SLC35F4: variants seen among roughly 807,000 people sequenced by gnomAD.
The protein encoded by SLC35F4 is solute carrier family 35 member F4.
SLC35F4 carries 24 observed loss-of-function variants against 44.2 expected under a neutral mutation model. The observed-to-expected ratio is 0.54, with a 90% confidence interval of 0.39 to 0.76. The LOEUF (loss-of-function observed/expected upper bound fraction) is 0.76. Among genes scored for constraint, SLC35F4 ranks in the 30% least tolerant of loss-of-function variants. SLC35F4 has a pLI of 0.00. For synonymous variants in SLC35F4, 238 were observed against 223.6 expected, an observed-to-expected ratio of 1.06 and a Z score of -0.57; for missense variants, 562 against 586.1, an observed-to-expected ratio of 0.96 and a Z score of 0.42.
chr14:57,844,067 C>G lies in SLC35F4; in HGVS notation c.103+21656G>C, dbSNP rs540380595. Reference sequence around the variant, plus strand: ...TTCAATTTTTATTGAAGATAGAAATCGTAGGAAAAAATTACCTTGAAAGGT... The same window carrying G: ...TTCAATTTTTATTGAAGATAGAAATGGTAGGAAAAAATTACCTTGAAAGGT... On this transcript the variant is annotated intron_variant, in intron 1 of 7. Transcript: ENST00000556826. 2.6e-5 allele frequency among the ~76,000 whole-genome samples: 4 copies of G among 152,078 alleles called. No individual in the cohort carries two copies. In the East Asian group the frequency reaches 7.7e-4, roughly 29 times the overall value.
At chr14:57,869,023 A>G (rs1888240373), upstream of SLC35F4, among the ~76,000 whole-genome samples, 1 of 152,196 alleles carries the variant, frequency 6.6e-6, no homozygotes, top group African/African-American at 2.4e-5. Flanking sequence ...GTTATAAAAC[A>G]AAATTTGTTT....
intron 1 of SLC35F4, among the ~76,000 whole-genome samples, chr14:57,929,523 G>T (rs1239259538): frequency 1.3e-5 from 2 of 151,994 alleles, no homozygotes; most frequent in African/African-American, 4.8e-5. Context: ...AAAACCTGTA[G>T]CTGTTGAGTA....
intron 1 of SLC35F4, among the ~76,000 whole-genome samples, chr14:57,896,118 A>G (rs999835457): frequency 1.3e-5 from 2 of 152,164 alleles, no homozygotes; most frequent in African/African-American, 4.8e-5. Context: ...CTCCTTTAGT[A>G]AGTAAATTCT....
intron 1 of SLC35F4, among the ~76,000 whole-genome samples, chr14:57,726,982 G>A (rs747887939): frequency 5.3e-5 from 8 of 152,084 alleles, no homozygotes; most frequent in Non-Finnish European, 1.2e-4. Context: ...TCCCGTGCTG[G>A]ATGCTTCCTG....
At chr14:57,804,890 A>G (rs994760247) in intron 1 of SLC35F4, among the ~76,000 whole-genome samples, 9 of 152,202 alleles carry the variant, frequency 5.9e-5, no homozygotes, top group Admixed American at 4.6e-4. Flanking sequence ...TCTAATATCC[A>G]GAGTCTACAA....
At chr14:57,924,562 C>A (rs1227226245) in intron 1 of SLC35F4, among the ~76,000 whole-genome samples, 2 of 152,184 alleles carry the variant, frequency 1.3e-5, no homozygotes, top group East Asian at 3.9e-4. Flanking sequence ...CATTTTCCTG[C>A]CTCAGCCTCC....
chr14:57,733,763 A>T (rs1035070982), intron 1 of SLC35F4, among the ~76,000 whole-genome samples: 12 of 152,062 alleles, frequency 7.9e-5, no homozygotes, highest in Non-Finnish European at 1.5e-4. Flanking sequence ...AGGTTTAGTG[A>T]TTATTAATTC....
intron 1 of SLC35F4, among the ~76,000 whole-genome samples, chr14:57,810,180 C>T (rs78109877): frequency 6.6e-6 from 1 of 152,168 alleles, no homozygotes; most frequent in Admixed American, 6.5e-5. Context: ...GCTACTCCCC[C>T]ATCCTAGGGA....
At position 57,564,088 on chromosome 14, in the gene SLC35F4, T is replaced by C. The variant is rs2068084770; in HGVS notation, c.*47A>G. The C allele has an allele frequency of 6.3e-7, 1 of 1,598,978 alleles. No homozygotes were observed. The highest frequency in any genetic ancestry group is 8.5e-7 in the Non-Finnish European group (1 of 1,169,744). ...TGTACAGGTAGTGAGAAAATTTTGT[T>C]ATATTCACAGAATATACATACACGT... is the stretch of plus-strand genomic sequence containing the variant. On this transcript the variant is annotated 3_prime_UTR_variant, in exon 8 of 8. Coordinates refer to ENST00000556826, the MANE Select transcript of SLC35F4 (RefSeq NM_001306087.2).
intron 1 of SLC35F4, among the ~76,000 whole-genome samples, chr14:57,778,638 C>T (rs951862488): frequency 6.6e-6 from 1 of 152,012 alleles, no homozygotes. Flanking sequence ...TAGACATCTA[C>T]AGAACGATAC....
At chr14:57,708,713 GC>G (rs1450838990) in intron 1 of SLC35F4, among the ~76,000 whole-genome samples, 2 of 152,130 alleles carry the variant, frequency 1.3e-5, no homozygotes, top group African/African-American at 4.8e-5. Flanking sequence ...AGACAGCTGG[GC>G]CCAGGGGACC....
At chr14:57,819,529 G>A (rs1566880026) in intron 1 of SLC35F4, among the ~76,000 whole-genome samples, 2 of 152,168 alleles carry the variant, frequency 1.3e-5, no homozygotes, top group East Asian at 3.9e-4. Context: ...AAATAGGCTG[G>A]GCACAGTGGC....
At chr14:57,982,253 C>T (rs1195984473), upstream of SLC35F4, 2 of 152,110 alleles carry the variant, frequency 1.3e-5, no homozygotes, top group Non-Finnish European at 2.9e-5. Flanking sequence ...GCAACAGAAA[C>T]GCTGTGCCTG....
chr14:57,662,078 T>G, intron 1 of SLC35F4, among the ~76,000 whole-genome samples: 1 of 152,208 alleles, frequency 6.6e-6, no homozygotes, highest in Non-Finnish European at 1.5e-5. Context: ...TGTCAGAGAC[T>G]GTGTTTCCGG....
chr14:57,587,327 T>C (rs564799496), intron 3 of SLC35F4, among the ~76,000 whole-genome samples: 2 of 152,342 alleles, frequency 1.3e-5, no homozygotes, highest in East Asian at 3.9e-4. Flanking sequence ...CGCACACGTA[T>C]GTTTATTGTG....
At chr14:57,906,785 T>A (rs971845013) in intron 1 of SLC35F4, among the ~76,000 whole-genome samples, 2 of 152,238 alleles carry the variant, frequency 1.3e-5, no homozygotes, top group South Asian at 2.1e-4. Context: ...AAAAATTATA[T>A]GTATTTGGAA....
intron 1 of SLC35F4, among the ~76,000 whole-genome samples, chr14:57,918,561 C>T (rs534589685): frequency 6.6e-6 from 1 of 152,234 alleles, no homozygotes; most frequent in South Asian, 2.1e-4. Flanking sequence ...TTGACATGGT[C>T]TTATAAAAAT....
intron 1 of SLC35F4, among the ~76,000 whole-genome samples, chr14:57,614,019 A>T (rs868041633): frequency 1.3e-5 from 2 of 152,236 alleles, no homozygotes; most frequent in East Asian, 3.8e-4. Context: ...ACTTAAACTC[A>T]GGGCATATAC....
chr14:57,886,119 T>C (rs1888638952), intron 1 of SLC35F4, among the ~76,000 whole-genome samples: 1 of 152,254 alleles, frequency 6.6e-6, no homozygotes, highest in Non-Finnish European at 1.5e-5. Flanking sequence ...ACACCTTATG[T>C]GTTTTAAGCT....
Sources: gnomAD v4.1 joint callset for allele counts (sites outside exome capture counted in the v4.1 genomes callset) on GRCh38, gnomAD v4.1.1 for gene constraint, MANE v1.5 for transcripts, NCBI Gene and HGNC (gene_info 2026-07-23, HGNC 2026-07-21) for gene names.